The following DGKD variants were observed in gnomAD, a reference collection of about 807,000 sequenced individuals.
DGKD encodes the protein DAG kinase delta.
A neutral mutation model predicts 154.4 loss-of-function variants in DGKD; 68 were observed. That is an observed-to-expected ratio of 0.44 (90% confidence interval 0.36 to 0.54). The LOEUF (loss-of-function observed/expected upper bound fraction) is 0.54, where lower values mean the gene tolerates loss of function less well. DGKD is among the 20% of genes least tolerant of loss of function. The pLI, the probability that DGKD is intolerant of heterozygous loss-of-function variation, is 0.00. For synonymous variants in DGKD, 693 were observed against 638.0 expected (o/e 1.09, Z -1.30); for missense variants, 1,343 against 1,593.6 (o/e 0.84, Z 2.68).
At position 233,394,981 on chromosome 2, in the gene DGKD, C is replaced by T. The variant is rs978861822; in HGVS notation, c.348+4498C>T. On this transcript the variant is annotated intron_variant, in intron 3 of 29. Transcript: ENST00000264057. ...TGTCCTAAAGTGTTGGTATTACAGG[C>T]ATGAGCCGATGTGCCTTGCCTAGAT... Among the ~76,000 whole-genome samples, 3 of 152,252 alleles carry T rather than the reference C, an allele frequency of 2.0e-5. No homozygotes were observed. In the East Asian group the frequency reaches 5.8e-4, roughly 29 times the overall value.
intron 3 of DGKD, among the ~76,000 whole-genome samples, chr2:233,396,335 A>G (rs1198399020): frequency 6.6e-6 from 1 of 152,210 alleles, no homozygotes; most frequent in Non-Finnish European, 1.5e-5. Context: ...GAAAAAACGA[A>G]TTCTGGTTCA....
At chr2:233,456,819 C>T in intron 19 of DGKD, 80 bp from the exon 20 acceptor site, 1 of 1,081,464 alleles carries the variant, frequency 9.2e-7, no homozygotes, top group South Asian at 1.3e-5. Context: ...AGATGCTGTT[C>T]CCAGCTTTCA....
chr2:233,354,711 T>A lies in DGKD; in HGVS notation c.156+37T>A. The A allele has an allele frequency of 1.0e-6, 1 of 974,216 alleles. No homozygotes were observed. Among genetic ancestry groups the A allele is most frequent in the Non-Finnish European group, 1.2e-6 (1 of 823,822 alleles). The allele number at this position is 974,216 out of a possible 1,614,324, so 60.3% of individuals were successfully genotyped here. ...GCGCGGCGGCCCGGGCGCGCGCCCC[T>A]CACGCCGCGGCAGCCCCGGCCGAGG... On this transcript the variant is annotated intron_variant, in intron 1 of 29. Coordinates refer to ENST00000264057, the MANE Select transcript of DGKD (RefSeq NM_152879.3). The surrounding 1 kb of genome is among the most constrained non-coding windows in gnomAD (Gnocchi z 4.8).
At chr2:233,437,297 A>T in intron 7 of DGKD, 80 bp from the exon 8 acceptor site, 1 of 1,355,324 alleles carries the variant, frequency 7.4e-7, no homozygotes, top group Non-Finnish European at 1.0e-6. Context: ...AGGCCAGCTC[A>T]TCAGCTACAG....
At chr2:233,420,063 T>C (rs1191131349) in intron 3 of DGKD, among the ~76,000 whole-genome samples, 2 of 152,268 alleles carry the variant, frequency 1.3e-5, no homozygotes, top group East Asian at 3.9e-4. Flanking sequence ...TTAGGAACAG[T>C]TGTGTCTGCC....
rs2063496826 is a variant in DGKD at position 233,457,445 on chromosome 2, G to A, written c.2580+117G>A. 1.3e-6 allele frequency: 1 copy of A among 797,108 alleles called. No homozygotes were observed. Among genetic ancestry groups the A allele is most frequent in the Non-Finnish European group, 2.2e-6 (1 of 462,332 alleles). The allele number at this position is 797,108 out of a possible 1,614,324, so 49.4% of individuals were successfully genotyped here. ...CAGCTCTTCTGTTGTGCCAGCAGTG[G>A]GGTTGCCGTGGAGAACAAGATAGAC... On this transcript the variant is annotated intron_variant, in intron 21 of 29. Transcript: ENST00000264057. This position sits in a 1 kb window ranked among gnomAD's most constrained non-coding sequence, Gnocchi z 5.5.
rs550442761 is a variant in DGKD, at chr2:233,464,109, G to C, written c.3187-55G>C. ...CGGACCTCACCCCCCTGGGCCTCGCGCTGATCAGCAGTGCACACTCTCCAT... is the reference window on the plus strand; with the variant it reads ...CGGACCTCACCCCCCTGGGCCTCGCCCTGATCAGCAGTGCACACTCTCCAT... On this transcript the variant is annotated intron_variant, in intron 26 of 29. Transcript: ENST00000264057. The C allele has an allele frequency of 5.6e-6, 9 of 1,609,998 alleles. No homozygotes were observed. The African/African-American group carries it at 1.2e-4, about 21-fold the overall frequency.
intron 4 of DGKD, 108 bp from the exon 5 acceptor site, chr2:233,434,661 C>G: frequency 1.3e-6 from 2 of 1,531,054 alleles, no homozygotes; most frequent in South Asian, 1.2e-5. Context: ...CTTTATAAAC[C>G]TTCCTCCTCT....
At chr2:233,405,802 A>G (rs1262997064) in intron 3 of DGKD, among the ~76,000 whole-genome samples, 1 of 152,236 alleles carries the variant, frequency 6.6e-6, no homozygotes, top group Non-Finnish European at 1.5e-5. Flanking sequence ...ACTAAGACAC[A>G]TGTCTAGAGG....
intron 10 of DGKD, among the ~76,000 whole-genome samples, chr2:233,443,345 T>C (rs1470150096): frequency 6.6e-6 from 1 of 152,238 alleles, no homozygotes; most frequent in Non-Finnish European, 1.5e-5. Flanking sequence ...CTTTGAGTAT[T>C]CACCTTTTTT....
At chr2:233,362,650 T>G (rs1701837911) in intron 1 of DGKD, among the ~76,000 whole-genome samples, 1 of 152,124 alleles carries the variant, frequency 6.6e-6, no homozygotes, top group African/African-American at 2.4e-5. Context: ...AAACTCTGTA[T>G]TAAATAGAAA....
intron 1 of DGKD, among the ~76,000 whole-genome samples, chr2:233,373,537 C>G (rs1455521549): frequency 2.6e-5 from 4 of 152,176 alleles, no homozygotes; most frequent in Non-Finnish European, 5.9e-5. Context: ...TCAGCCTTAT[C>G]TGGAATGTCC....
At chr2:233,460,157 C>T (rs2063581161) in intron 23 of DGKD, 37 bp from the exon 24 acceptor site, 2 of 1,608,888 alleles carry the variant, frequency 1.2e-6, no homozygotes, top group African/African-American at 1.3e-5. Flanking sequence ...ATGCATGCTT[C>T]AGAGCAGCAG....
chr2:233,452,022 A>C lies in DGKD; in HGVS notation c.2226A>C (p.Leu742Phe). The C allele has an allele frequency of 6.2e-7, 1 of 1,614,058 alleles. No individual in the cohort carries two copies. ...LPGGSVISRL[L>F]INADPFNSEP... ...GTGGCTCAGTCATCAGTCGCCTGTTAATTAATGCTGATCCCTTCAACTCTG... is the reference window on the plus strand; with the variant it reads ...GTGGCTCAGTCATCAGTCGCCTGTTCATTAATGCTGATCCCTTCAACTCTG... The change falls in exon 18 of 30, where the codon TTA becomes TTC. Residue 742 changes from leucine (L) to phenylalanine (F), a missense_variant. Transcript: ENST00000264057. The surrounding 1 kb of genome is among the most constrained non-coding windows in gnomAD (Gnocchi z 4.0).
intron 3 of DGKD, among the ~76,000 whole-genome samples, chr2:233,415,436 T>A (rs576895708): frequency 1.3e-5 from 2 of 152,278 alleles, no homozygotes; most frequent in East Asian, 3.9e-4. Context: ...TCACCTCCAT[T>A]GCTGTCTCTA....
At chr2:233,404,810 G>C (rs561326703) in intron 3 of DGKD, among the ~76,000 whole-genome samples, 1 of 152,208 alleles carries the variant, frequency 6.6e-6, no homozygotes, top group African/African-American at 2.4e-5. Flanking sequence ...GTGAACGTCT[G>C]CTGTTCCAGT....
At chr2:233,462,605 C>T (rs764509442) in intron 25 of DGKD, 38 bp from the exon 26 acceptor site, 11 of 1,590,596 alleles carry the variant, frequency 6.9e-6, no homozygotes, top group Middle Eastern at 1.7e-4. Context: ...GCATGTTCGG[C>T]CCCCCGCCCC....
chr2:233,424,608 G>C (rs558960614), intron 3 of DGKD, among the ~76,000 whole-genome samples: 66 of 152,340 alleles, frequency 4.3e-4, no homozygotes, highest in African/African-American at 1.4e-3. Flanking sequence ...CCGGCCCACT[G>C]GCCCTGGTGT....
In DGKD at chr2:233,457,112, C is replaced by T; in HGVS notation, c.2473-109C>T. On this transcript the variant is annotated intron_variant, in intron 20 of 29. Transcript: ENST00000264057. The surrounding 1 kb of genome is among the most constrained non-coding windows in gnomAD (Gnocchi z 5.5). ...ATGCACAGGGACTTGCCTGGGGATG[C>T]CCTGGCCACGGCTGTGCTCCTGAGC... 1 of 1,308,376 alleles carries T rather than the reference C, an allele frequency of 7.6e-7. No homozygotes were observed. Among genetic ancestry groups the T allele is most frequent in the Non-Finnish European group, 1.1e-6 (1 of 913,994 alleles). 81.0% of individuals were successfully genotyped at this position (1,308,376 alleles called of 1,614,324 possible).
Sources: gnomAD v4.1 joint callset for allele counts (sites outside exome capture counted in the v4.1 genomes callset) on GRCh38, gnomAD v4.1.1 for gene constraint, Gnocchi (gnomAD v3.1) non-coding constraint, MANE v1.5 for transcripts, NCBI Gene and HGNC (gene_info 2026-07-23, HGNC 2026-07-21) for gene names.